RBFOX1: variants seen among roughly 807,000 people sequenced by gnomAD.
RBFOX1 encodes the protein RNA binding protein fox-1 homolog 1.
RBFOX1 carries 8 observed loss-of-function variants against 57.7 expected under a neutral mutation model. The observed-to-expected ratio is 0.14, with a 90% CI of 0.08 to 0.25. The LOEUF (loss-of-function observed/expected upper bound fraction) is 0.25. Among genes scored for constraint, RBFOX1 ranks in the 10% least tolerant of loss-of-function variants. The probability of loss-of-function intolerance (pLI) is 1.00; values close to 1 mark genes in which losing one functional copy is unlikely to be tolerated. For missense variants in RBFOX1, 611 were observed against 548.5 expected, an observed-to-expected ratio of 1.11 and a Z score of -1.14; for synonymous variants, 326 against 222.4, an observed-to-expected ratio of 1.47 and a Z score of -4.15.
rs542733160 is a variant in RBFOX1 at position 6,593,395 on chromosome 16, A to G, written c.-63-61208A>G. 3.1e-4 allele frequency among the ~76,000 whole-genome samples: 47 copies of G among 152,290 alleles called. 1 individual carries two copies. The highest frequency in any genetic ancestry group is 1.0e-3 in the African/African-American group (42 of 41,564). ...ACAGAGAAAAAATAATGATCTGCCT[A>G]TCCTTTTTCCTGAGAGTTTCCTGAT... On this transcript the variant is annotated intron_variant, in intron 2 of 15. Coordinates refer to ENST00000550418, the MANE Select transcript of RBFOX1 (RefSeq NM_018723.4).
intron 3 of RBFOX1, among the ~76,000 whole-genome samples, chr16:5,645,424 G>A (rs759913535): frequency 3.3e-5 from 5 of 152,172 alleles, no homozygotes; most frequent in Non-Finnish European, 5.9e-5. Context: ...GAGCTGGGAT[G>A]AGGTTTCTTT....
At chr16:6,873,046 T>C (rs2061220846) in intron 3 of RBFOX1, among the ~76,000 whole-genome samples, 1 of 152,048 alleles carries the variant, frequency 6.6e-6, no homozygotes, top group Non-Finnish European at 1.5e-5. Context: ...TTCTCAGCAT[T>C]TCTGAGGCTA....
chr16:6,173,224 T>G (rs2152770196), intron 1 of RBFOX1, among the ~76,000 whole-genome samples: 1 of 152,036 alleles, frequency 6.6e-6, no homozygotes, highest in East Asian at 1.9e-4. Context: ...TTCTGAGGGG[T>G]GGGGTAGGCA....
chr16:6,676,247 G>A (rs781221535), intron 3 of RBFOX1, among the ~76,000 whole-genome samples: 2 of 151,930 alleles, frequency 1.3e-5, no homozygotes, highest in African/African-American at 2.4e-5. Flanking sequence ...TTGTAGTTAC[G>A]GGGAGTTCGG....
intron 1 of RBFOX1, among the ~76,000 whole-genome samples, chr16:6,189,386 C>G (rs910937038): frequency 3.9e-5 from 6 of 152,196 alleles, no homozygotes; most frequent in Non-Finnish European, 7.3e-5. Context: ...TTTTTGCCAA[C>G]TCATCATAAA....
chr16:5,647,658 C>G (rs188360096), intron 3 of RBFOX1, among the ~76,000 whole-genome samples: 1 of 152,150 alleles, frequency 6.6e-6, no homozygotes, highest in African/African-American at 2.4e-5. Flanking sequence ...TCAGTACCTT[C>G]TCTGATTATT....
At chr16:5,300,891 G>A (rs55963071) in intron 1 of RBFOX1, among the ~76,000 whole-genome samples, 96,827 of 152,002 alleles carry the variant, frequency 0.64, 31,337 homozygotes, top group South Asian at 0.73. Flanking sequence ...TTAATTGCTG[G>A]AATTAGTAAT....
chr16:5,614,761 G>T (rs1410262987), intron 3 of RBFOX1, among the ~76,000 whole-genome samples: 2 of 152,196 alleles, frequency 1.3e-5, no homozygotes, highest in South Asian at 4.1e-4. Flanking sequence ...GATGCGAGAT[G>T]CTATGGGTGA....
At chr16:5,263,917 G>A (rs2062796965) in intron 1 of RBFOX1, among the ~76,000 whole-genome samples, 1 of 152,210 alleles carries the variant, frequency 6.6e-6, no homozygotes, top group Admixed American at 6.5e-5. Flanking sequence ...TTATTTAGTG[G>A]AACTACCATA....
intron 3 of RBFOX1, among the ~76,000 whole-genome samples, chr16:5,857,774 C>A (rs1027465682): frequency 4.6e-5 from 7 of 150,940 alleles, no homozygotes; most frequent in Admixed American, 1.3e-4. Context: ...AAAAAAAAAA[C>A]AAAGAAAAGA....
intron 1 of RBFOX1, among the ~76,000 whole-genome samples, chr16:6,177,918 G>C (rs1193583626): frequency 2.2e-5 from 2 of 91,822 alleles, no homozygotes; most frequent in Admixed American, 1.3e-4. Context: ...ATTTTCAGTG[G>C]GGGTAAAAAA....
intron 3 of RBFOX1, among the ~76,000 whole-genome samples, chr16:6,682,667 C>T (rs546130372): frequency 2.0e-4 from 30 of 151,862 alleles, no homozygotes; most frequent in Admixed American, 4.6e-4. Flanking sequence ...CCAAAAATGA[C>T]TCTAGATGCC....
intron 4 of RBFOX1, among the ~76,000 whole-genome samples, chr16:7,352,505 T>C (rs1218415275): frequency 3.9e-5 from 6 of 152,174 alleles, no homozygotes; most frequent in Non-Finnish European, 8.8e-5. Context: ...AAACGCTTAC[T>C]CCGGGCTGCC....
chr16:6,297,133 A>G lies in RBFOX1; in HGVS notation c.-126-19862A>G, dbSNP rs368347919. Among the ~76,000 whole-genome samples, 47 of 152,302 alleles carry G rather than the reference A, an allele frequency of 3.1e-4. No individual in the cohort carries two copies. The East Asian group carries it at 7.9e-3, about 26-fold the overall frequency. On this transcript the variant is annotated intron_variant, in intron 1 of 15. Coordinates refer to ENST00000550418, the MANE Select transcript of RBFOX1 (RefSeq NM_018723.4). ...TGGGAGTGTAGCGGTGAGGACCACC[A>G]GAAGTCAGTGTTGTCGCCATCTTCG...
chr16:6,040,584 C>CTT (rs1399904834), intron 1 of RBFOX1, among the ~76,000 whole-genome samples: 4 of 151,284 alleles, frequency 2.6e-5, no homozygotes, highest in African/African-American at 9.7e-5. Context: ...CTCTCTCTCT[C>CTT]TTTCTTTCTT....
At chr16:5,649,959 C>A (rs2049178727) in intron 3 of RBFOX1, among the ~76,000 whole-genome samples, 2 of 152,194 alleles carry the variant, frequency 1.3e-5, no homozygotes, top group South Asian at 4.1e-4. Flanking sequence ...CCCGGTGGAA[C>A]ACGCGGGGAG....
chr16:5,692,166 TGTGTGTGTG>T (rs2050703325), intron 3 of RBFOX1, among the ~76,000 whole-genome samples: 3 of 140,988 alleles, frequency 2.1e-5, no homozygotes, highest in African/African-American at 3.0e-5. Context: ...AGGGACTGAC[TGTGTGTGTG>T]TGTGTGTGTG....
intron 4 of RBFOX1, among the ~76,000 whole-genome samples, chr16:7,211,226 C>A (rs949946247): frequency 6.6e-6 from 1 of 151,588 alleles, no homozygotes; most frequent in Non-Finnish European, 1.5e-5. Context: ...CCCGTCTCTA[C>A]TAAAAACACA....
At chr16:6,947,142 C>A (rs1479434187) in intron 3 of RBFOX1, among the ~76,000 whole-genome samples, 1 of 152,068 alleles carries the variant, frequency 6.6e-6, no homozygotes, top group African/African-American at 2.4e-5. Context: ...ATAACCTGGC[C>A]CATGTTCAAG....
Sources: gnomAD v4.1 joint callset for allele counts (sites outside exome capture counted in the v4.1 genomes callset) on GRCh38, gnomAD v4.1.1 for gene constraint, MANE v1.5 for transcripts, NCBI Gene and HGNC (gene_info 2026-07-23, HGNC 2026-07-21) for gene names.